Variants in AGMO observed in about 807,000 individuals in gnomAD.
AGMO encodes glyceryl-ether monooxygenase.
In AGMO, 75 loss-of-function variants were observed where a neutral mutation model predicts 60.2. That is an observed-to-expected ratio of 1.25 (90% confidence interval 1.03 to 1.51). The LOEUF (loss-of-function observed/expected upper bound fraction) is 1.51, where lower values mean the gene tolerates loss of function less well. Among genes scored for constraint, AGMO ranks in the 40% most tolerant of loss-of-function variants. AGMO has a pLI of 0.00. For synonymous variants in AGMO, 261 were observed against 177.1 expected (o/e 1.47, Z -3.76); for missense variants, 763 against 525.5 (o/e 1.45, Z -4.42).
Position 15,292,476 on chromosome 7 carries a change from A to G in AGMO, c.1263+73038T>C, listed in dbSNP as rs147695915. On this transcript the variant is annotated intron_variant, in intron 12 of 12. Transcript: ENST00000342526. ...TCTTACTGGAGGAACTAAATTGTTC[A>G]GCATTAACAATGATGCAAAATATGA... 9.8e-5 allele frequency among the ~76,000 whole-genome samples: 15 copies of G among 152,304 alleles called. No individual in the cohort carries two copies. In the East Asian group the frequency reaches 2.7e-3, roughly 27 times the overall value.
At chr7:15,334,660 C>A (rs190649216) in intron 12 of AGMO, among the ~76,000 whole-genome samples, 3 of 152,134 alleles carry the variant, frequency 2.0e-5, no homozygotes, top group Non-Finnish European at 4.4e-5. Flanking sequence ...ACTTCACTTG[C>A]GGATATCCCG....
chr7:15,522,515 G>C (rs1293368355), intron 3 of AGMO, among the ~76,000 whole-genome samples: 1 of 152,052 alleles, frequency 6.6e-6, no homozygotes, highest in African/African-American at 2.4e-5. Flanking sequence ...TAGAACAATG[G>C]AACAGAACAG....
intron 12 of AGMO, among the ~76,000 whole-genome samples, chr7:15,290,541 T>C (rs1784233884): frequency 2.0e-5 from 3 of 152,220 alleles, no homozygotes; most frequent in Admixed American, 2.0e-4. Context: ...GGCTCTCATA[T>C]GCTTTCTGTT....
At chr7:15,478,020 A>G (rs375600990) in intron 3 of AGMO, among the ~76,000 whole-genome samples, 2 of 152,218 alleles carry the variant, frequency 1.3e-5, no homozygotes, top group East Asian at 3.9e-4. Flanking sequence ...TCTCCTGTGT[A>G]TATTGAAGGG....
At chr7:15,190,259 C>T in the AGMO span, among the ~76,000 whole-genome samples, 1 of 140,848 alleles carries the variant, frequency 7.1e-6, no homozygotes, top group Non-Finnish European at 1.6e-5. Flanking sequence ...ATGCAGCAAA[C>T]AGCTGTTTGC....
At chr7:15,510,803 A>G (rs1457061844) in intron 3 of AGMO, among the ~76,000 whole-genome samples, 1 of 48,804 alleles carries the variant, frequency 2.0e-5, no homozygotes, top group East Asian at 2.7e-3. Context: ...AAAATTATGC[A>G]TAAGGAAACA....
At chr7:15,510,579 G>C (rs1321143797) in intron 3 of AGMO, among the ~76,000 whole-genome samples, 1 of 149,294 alleles carries the variant, frequency 6.7e-6, no homozygotes, top group African/African-American at 2.5e-5. Flanking sequence ...TGATATATAT[G>C]ACATATATAA....
intron 9 of AGMO, among the ~76,000 whole-genome samples, chr7:15,386,839 G>C (rs1446529254): frequency 1.3e-5 from 2 of 152,124 alleles, no homozygotes; most frequent in Non-Finnish European, 2.9e-5. Context: ...GGTTAAAACT[G>C]AATTTTTCAT....
intron 10 of AGMO, among the ~76,000 whole-genome samples, chr7:15,375,097 G>A (rs1050016904): frequency 2.0e-5 from 3 of 152,020 alleles, no homozygotes; most frequent in African/African-American, 7.3e-5. Flanking sequence ...GTCCAAGACT[G>A]AAAACCTCTA....
intron 12 of AGMO, among the ~76,000 whole-genome samples, chr7:15,203,063 A>T (rs1181977248): frequency 6.6e-6 from 1 of 152,160 alleles, no homozygotes; most frequent in Non-Finnish European, 1.5e-5. Context: ...TCTAAGCTAT[A>T]TTTGGCACTA....
chr7:15,291,834 G>A (rs1340675882), intron 12 of AGMO, among the ~76,000 whole-genome samples: 2 of 152,132 alleles, frequency 1.3e-5, no homozygotes, highest in African/African-American at 4.8e-5. Context: ...CCTGAAAGAA[G>A]AGCAATGAAG....
intron 3 of AGMO, among the ~76,000 whole-genome samples, chr7:15,542,932 T>C (rs1157045147): frequency 6.6e-6 from 1 of 152,200 alleles, no homozygotes; most frequent in Non-Finnish European, 1.5e-5. Flanking sequence ...TGCACATGTT[T>C]AAGGTGGTTA....
At chr7:15,365,296 T>C (rs1012167144) in intron 12 of AGMO, among the ~76,000 whole-genome samples, 1 of 145,926 alleles carries the variant, frequency 6.9e-6, no homozygotes, top group Non-Finnish European at 1.5e-5. Context: ...AGGTTGATGA[T>C]ATCAATCCAA....
At chr7:15,329,435 GGACAT>G (rs759534006) in intron 12 of AGMO, among the ~76,000 whole-genome samples, 33 of 152,146 alleles carry the variant, frequency 2.2e-4, no homozygotes, top group Admixed American at 8.5e-4. Flanking sequence ...AGCTCCCAGA[GGACAT>G]GACAAGAAAT....
intron 5 of AGMO, among the ~76,000 whole-genome samples, chr7:15,407,015 A>ATG (rs569074662): frequency 4.4e-4 from 63 of 141,594 alleles, no homozygotes; most frequent in African/African-American, 1.0e-3. Context: ...ATACATATAT[A>ATG]TGTGTATATA....
chr7:15,382,122 A>G (rs1348500465), intron 10 of AGMO, among the ~76,000 whole-genome samples: 2 of 152,150 alleles, frequency 1.3e-5, no homozygotes, highest in African/African-American at 2.4e-5. Context: ...TCATGACACA[A>G]GTTTACCTAT....
At chr7:15,332,862 C>T (rs1781540080) in intron 12 of AGMO, among the ~76,000 whole-genome samples, 1 of 151,964 alleles carries the variant, frequency 6.6e-6, no homozygotes, top group Non-Finnish European at 1.5e-5. Flanking sequence ...TATCCTAATA[C>T]TCTGACAGAT....
At chr7:15,163,248 T>G in the AGMO span, among the ~76,000 whole-genome samples, 52 of 152,328 alleles carry the variant, frequency 3.4e-4, 2 homozygotes, top group South Asian at 3.3e-3. Flanking sequence ...TCTCTAGATT[T>G]AAGATCATTT....
chr7:15,342,148 G>A (rs1182402450), intron 12 of AGMO, among the ~76,000 whole-genome samples: 1 of 118,664 alleles, frequency 8.4e-6, no homozygotes, highest in Admixed American at 1.0e-4. Context: ...CCTCCAGTAA[G>A]CTGAGAGTAG....
Sources: gnomAD v4.1 joint callset for allele counts (sites outside exome capture counted in the v4.1 genomes callset) on GRCh38, gnomAD v4.1.1 for gene constraint, MANE v1.5 for transcripts, NCBI Gene and HGNC (gene_info 2026-07-23, HGNC 2026-07-21) for gene names.